PDZRN4: variants seen among roughly 807,000 people sequenced by gnomAD.
PDZRN4 encodes PDZ domain-containing RING finger protein 4.
Under a neutral mutation model 99.0 loss-of-function variants are expected in PDZRN4, and 70 were observed. The observed-to-expected ratio is 0.71, with a 90% CI of 0.58 to 0.86. The LOEUF (loss-of-function observed/expected upper bound fraction) is 0.86. Among genes scored for constraint, PDZRN4 ranks in the 40% least tolerant of loss-of-function variants. PDZRN4 has a pLI of 0.00. For synonymous variants in PDZRN4, 551 were observed against 501.6 expected (o/e 1.10, Z -1.32); for missense variants, 1,474 against 1,331.2 (o/e 1.11, Z -1.67).
intron 8 of PDZRN4, among the ~76,000 whole-genome samples, chr12:41,565,362 GA>G (rs1322462150): frequency 1.3e-5 from 2 of 148,194 alleles, no homozygotes; most frequent in Non-Finnish European, 3.0e-5. Flanking sequence ...GATTTCCAGA[GA>G]AATCAGGAAA....
chr12:41,507,136 T>A (rs2446145), intron 4 of PDZRN4, among the ~76,000 whole-genome samples: 22,163 of 152,098 alleles, frequency 0.15, 1,938 homozygotes, highest in African/African-American at 0.25. Flanking sequence ...TCTCTCTTCC[T>A]TGCATTTCTC....
chr12:41,493,315 T>C (rs2120635545), intron 3 of PDZRN4, among the ~76,000 whole-genome samples: 1 of 152,304 alleles, frequency 6.6e-6, no homozygotes, highest in South Asian at 2.1e-4. Context: ...TTTTATCTGC[T>C]GAAAATTATT....
chr12:41,524,781 G>A (rs556588126), intron 5 of PDZRN4, among the ~76,000 whole-genome samples: 1 of 151,986 alleles, frequency 6.6e-6, no homozygotes, highest in Non-Finnish European at 1.5e-5. Flanking sequence ...AACTTTGGCT[G>A]CCTTTTGGCG....
At chr12:41,498,166 G>A (rs1372591498) in intron 3 of PDZRN4, among the ~76,000 whole-genome samples, 1 of 151,828 alleles carries the variant, frequency 6.6e-6, no homozygotes, top group East Asian at 1.9e-4. Flanking sequence ...AGTCATAAAT[G>A]TTAACATCAC....
rs529465589 is a variant in PDZRN4, at chr12:41,524,304, A to G, written c.1203+14391A>G. Among the ~76,000 whole-genome samples the G allele has an allele frequency of 5.2e-4, 79 of 152,318 alleles. 3 individuals are homozygous for G. The highest frequency in any genetic ancestry group is 4.3e-3 in the Admixed American group (66 of 15,286). On this transcript the variant is annotated intron_variant, in intron 5 of 9. Transcript: ENST00000402685. The stretch of plus-strand genomic sequence containing the variant: ...TACCCAAAAGTGATCTACAGATTCA[A>G]TGCAATTCCTATCAAAATCCCAATG...
chr12:41,378,206 A>T lies in PDZRN4; in HGVS notation c.844-128250A>T, dbSNP rs1035242243. Among the ~76,000 whole-genome samples, 5 of 152,286 alleles carry T rather than the reference A, an allele frequency of 3.3e-5. No homozygotes were observed. The South Asian group carries it at 6.2e-4, about 19-fold the overall frequency. ...AAGAAAGAATGTGGAATTATGCTATATGCTTTTTGGGCATCTACTGAAATT... is the reference window on the plus strand; with the variant it reads ...AAGAAAGAATGTGGAATTATGCTATTTGCTTTTTGGGCATCTACTGAAATT... On this transcript the variant is annotated intron_variant, in intron 3 of 9. Transcript: ENST00000402685.
At chr12:41,554,667 T>A (rs1260064474) in intron 6 of PDZRN4, among the ~76,000 whole-genome samples, 1 of 152,102 alleles carries the variant, frequency 6.6e-6, no homozygotes, top group Non-Finnish European at 1.5e-5. Flanking sequence ...CTGTAAGTCA[T>A]CACTCAAGTT....
At chr12:41,197,287 T>C (rs1950779644) in intron 3 of PDZRN4, among the ~76,000 whole-genome samples, 7 of 152,162 alleles carry the variant, frequency 4.6e-5, no homozygotes, top group Admixed American at 4.6e-4. Flanking sequence ...ATATTAGTTA[T>C]AATAGTTTTG....
chr12:41,213,432 A>G (rs1946465147), intron 3 of PDZRN4, among the ~76,000 whole-genome samples: 1 of 152,026 alleles, frequency 6.6e-6, no homozygotes, highest in Admixed American at 6.6e-5. Context: ...TCTAACAATA[A>G]TAATGCTACT....
At chr12:41,297,303 G>A (rs1951502583) in intron 3 of PDZRN4, among the ~76,000 whole-genome samples, 1 of 152,052 alleles carries the variant, frequency 6.6e-6, no homozygotes, top group Non-Finnish European at 1.5e-5. Context: ...ATTTTAAATA[G>A]GACAGAGACA....
intron 9 of PDZRN4, among the ~76,000 whole-genome samples, chr12:41,571,376 T>TCACACACACA (rs147910134): frequency 1.5e-5 from 1 of 65,514 alleles, no homozygotes; most frequent in African/African-American, 5.0e-5. Context: ...TCTCTCTCTC[T>TCACACACACA]CACACACACA....
intron 3 of PDZRN4, among the ~76,000 whole-genome samples, chr12:41,371,067 A>T (rs1952038119): frequency 1.3e-5 from 2 of 150,584 alleles, no homozygotes; most frequent in Non-Finnish European, 3.0e-5. Context: ...GTATATTTAC[A>T]GTTTTTTGGT....
intron 5 of PDZRN4, among the ~76,000 whole-genome samples, chr12:41,538,302 G>A (rs115983899): frequency 0.01 from 1,533 of 152,118 alleles, 21 homozygotes; most frequent in African/African-American, 0.035. Flanking sequence ...ATGAGGTTAT[G>A]TTTTACAAAT....
intron 3 of PDZRN4, among the ~76,000 whole-genome samples, chr12:41,393,442 A>G (rs542331045): frequency 5.3e-5 from 8 of 152,144 alleles, no homozygotes; most frequent in Non-Finnish European, 1.2e-4. Context: ...ACTCATATAT[A>G]TATGGCTTTG....
At chr12:41,380,123 C>T (rs970321000) in intron 3 of PDZRN4, among the ~76,000 whole-genome samples, 25 of 152,002 alleles carry the variant, frequency 1.6e-4, no homozygotes, top group African/African-American at 5.8e-4. Context: ...GACCATTTAT[C>T]ACTTCCACTT....
chr12:41,286,671 G>A lies in PDZRN4; in HGVS notation c.843+92483G>A, dbSNP rs111741280. On this transcript the variant is annotated intron_variant, in intron 3 of 9. Transcript: ENST00000402685. The stretch of plus-strand genomic sequence containing the variant: ...TAAATGGATGTGTCAACACCAGGAA[G>A]AGTAAATGTTTGGGTGTTCACTACA... Among the ~76,000 whole-genome samples the A allele has an allele frequency of 6.6e-3, 1,007 of 152,286 alleles. 4 individuals carry two copies. The highest frequency in any genetic ancestry group is 8.2e-3 in the Non-Finnish European group (561 of 68,018).
chr12:41,556,578 C>A (rs990108941), intron 7 of PDZRN4, among the ~76,000 whole-genome samples: 6 of 152,152 alleles, frequency 3.9e-5, no homozygotes, highest in Non-Finnish European at 5.9e-5. Context: ...TATCTACAGT[C>A]CATTGTTGAC....
At chr12:41,401,805 G>T (rs1952290620) in intron 3 of PDZRN4, among the ~76,000 whole-genome samples, 1 of 151,802 alleles carries the variant, frequency 6.6e-6, no homozygotes, top group African/African-American at 2.4e-5. Flanking sequence ...TCTGTCCCCA[G>T]TCTCCATCTT....
intron 5 of PDZRN4, among the ~76,000 whole-genome samples, chr12:41,550,123 T>G (rs1437453260): frequency 6.6e-6 from 1 of 152,164 alleles, no homozygotes; most frequent in Non-Finnish European, 1.5e-5. Context: ...TCAATTTTAT[T>G]GCCAAAAAGT....
Sources: allele counts gnomAD v4.1 joint callset (sites outside exome capture counted in the v4.1 genomes callset), GRCh38; gene constraint gnomAD v4.1.1; transcripts MANE v1.5; gene names NCBI Gene and HGNC (gene_info 2026-07-23, HGNC 2026-07-21).